RBFOX1: variants seen among roughly 807,000 people sequenced by gnomAD.
RBFOX1 encodes RNA binding fox-1 homolog 1, also known as RNA binding protein fox-1 homolog 1.
RBFOX1 carries 8 observed loss-of-function variants against 57.7 expected under a neutral mutation model. The observed-to-expected ratio is 0.14, with a 90% CI of 0.08 to 0.25. The LOEUF is 0.25. RBFOX1 is among the 10% of genes least tolerant of loss of function. The pLI is 1.00. For synonymous variants in RBFOX1, 326 were observed against 222.4 expected (o/e 1.47, Z -4.15); for missense variants, 611 against 548.5 (o/e 1.11, Z -1.14).
intron 3 of RBFOX1, among the ~76,000 whole-genome samples, chr16:6,867,564 C>T (rs1029712056): frequency 6.6e-6 from 1 of 152,006 alleles, no homozygotes; most frequent in Admixed American, 6.6e-5. Flanking sequence ...ACTAAAAATA[C>T]AAAAATTAGC....
chr16:6,096,835 C>T (rs1479906356), intron 1 of RBFOX1, among the ~76,000 whole-genome samples: 1 of 152,178 alleles, frequency 6.6e-6, no homozygotes, highest in Non-Finnish European at 1.5e-5. Context: ...CATTCATTGG[C>T]CAGGTCATCA....
intron 4 of RBFOX1, among the ~76,000 whole-genome samples, chr16:7,369,388 C>A (rs2097527522): frequency 6.6e-6 from 1 of 152,116 alleles, no homozygotes; most frequent in Non-Finnish European, 1.5e-5. Flanking sequence ...GTCCCGCAGA[C>A]TCTCCCTCAA....
At chr16:5,651,433 G>A (rs1169952606) in intron 3 of RBFOX1, among the ~76,000 whole-genome samples, 1 of 152,060 alleles carries the variant, frequency 6.6e-6, no homozygotes, top group East Asian at 1.9e-4. Context: ...TGTCTCTGCT[G>A]CCACCCCAGG....
At chr16:7,239,041 A>T (rs898929743) in intron 4 of RBFOX1, among the ~76,000 whole-genome samples, 1 of 152,148 alleles carries the variant, frequency 6.6e-6, no homozygotes, top group Non-Finnish European at 1.5e-5. Context: ...CCAGTCTATC[A>T]TTGATGGGCA....
rs747961249 is a variant in RBFOX1 at position 5,651,855 on chromosome 16, C to T, written c.318+52894C>T. 7.2e-5 allele frequency among the ~76,000 whole-genome samples: 11 copies of T among 152,212 alleles called. No homozygotes were observed. The South Asian group carries it at 1.0e-3, about 14-fold the overall frequency. On this transcript the variant is annotated intron_variant, in intron 3 of 19. Transcript: ENST00000641259. Reference sequence around the variant, plus strand: ...ACTAATAATAATAATGCTTTTAGGCCGGGCACAGTGGCTCATGCCTGTAAT... The same window carrying T: ...ACTAATAATAATAATGCTTTTAGGCTGGGCACAGTGGCTCATGCCTGTAAT...
intron 3 of RBFOX1, among the ~76,000 whole-genome samples, chr16:5,683,242 G>A (rs1438584005): frequency 2.0e-5 from 3 of 152,116 alleles, no homozygotes; most frequent in Non-Finnish European, 4.4e-5. Context: ...TCGAAAAATA[G>A]TAATGTGCAG....
At chr16:5,707,906 A>C (rs1396810894) in intron 3 of RBFOX1, among the ~76,000 whole-genome samples, 1 of 152,146 alleles carries the variant, frequency 6.6e-6, no homozygotes, top group East Asian at 1.9e-4. Context: ...ACTTAATACT[A>C]TTTGTAACTT....
At chr16:6,869,472 G>GT (rs5815352) in intron 3 of RBFOX1, among the ~76,000 whole-genome samples, 2,146 of 148,258 alleles carry the variant, frequency 0.014, 25 homozygotes, top group Non-Finnish European at 0.024. Flanking sequence ...GTCTTTTGAG[G>GT]TTTTTTTTTT....
intron 1 of RBFOX1, among the ~76,000 whole-genome samples, chr16:6,120,178 G>A (rs979955399): frequency 4.6e-5 from 7 of 152,148 alleles, no homozygotes; most frequent in Admixed American, 6.6e-5. Flanking sequence ...GTATTTATCC[G>A]TTGATTAGCA....
At chr16:5,264,093 C>G (rs562734604) in intron 1 of RBFOX1, among the ~76,000 whole-genome samples, 5 of 151,862 alleles carry the variant, frequency 3.3e-5, no homozygotes, top group Admixed American at 2.0e-4. Context: ...CCAGGCTGAG[C>G]AGGAAGGTAA....
intron 4 of RBFOX1, among the ~76,000 whole-genome samples, chr16:7,232,355 C>G (rs2093549736): frequency 6.6e-6 from 1 of 152,114 alleles, no homozygotes; most frequent in African/African-American, 2.4e-5. Flanking sequence ...GCTATGTGTT[C>G]ATTTTATAAA....
chr16:7,158,758 C>T (rs1041544552), intron 4 of RBFOX1, among the ~76,000 whole-genome samples: 1 of 151,056 alleles, frequency 6.6e-6, no homozygotes, highest in Admixed American at 6.6e-5. Context: ...GTGGTGTGTG[C>T]ATGTCTGTGA....
At chr16:7,222,219 C>G (rs182044667) in intron 4 of RBFOX1, among the ~76,000 whole-genome samples, 1 of 152,158 alleles carries the variant, frequency 6.6e-6, no homozygotes, top group African/African-American at 2.4e-5. Context: ...TCACAAAGGG[C>G]CTTGCATTCT....
chr16:6,985,995 T>C (rs1022878121), intron 3 of RBFOX1, among the ~76,000 whole-genome samples: 1 of 151,630 alleles, frequency 6.6e-6, no homozygotes, highest in African/African-American at 2.4e-5. Flanking sequence ...GAGAAATTTT[T>C]TTTCATAAAA....
rs78622472 is a variant in RBFOX1, at chr16:7,170,366, G to C, written c.27+118268G>C. ...CAGCTCACTGCCGCTTGAACTCCTG[G>C]GTGCAAGTGATACTCTCACCTCAGC... is the stretch of plus-strand genomic sequence containing the variant. On this transcript the variant is annotated intron_variant, in intron 4 of 15. Transcript: ENST00000550418. 7.4e-3 allele frequency among the ~76,000 whole-genome samples: 1,132 copies of C among 152,102 alleles called. 18 individuals carry two copies. Among genetic ancestry groups the C allele is most frequent in the African/African-American group, 0.026 (1,088 of 41,434 alleles).
At chr16:5,332,792 T>C (rs546584485) in intron 1 of RBFOX1, among the ~76,000 whole-genome samples, 119 of 152,090 alleles carry the variant, frequency 7.8e-4, no homozygotes, top group Non-Finnish European at 1.3e-3. Flanking sequence ...ATTTAACTTA[T>C]AATACACATT....
At chr16:6,144,364 C>T (rs530208022) in intron 1 of RBFOX1, among the ~76,000 whole-genome samples, 244 of 152,086 alleles carry the variant, frequency 1.6e-3, no homozygotes, top group African/African-American at 5.3e-3. Context: ...TCTTTTAATG[C>T]AGAGATCTAA....
At position 7,135,103 on chromosome 16, in the gene RBFOX1, G is replaced by C. The variant is rs545224261; in HGVS notation, c.27+83005G>C. On this transcript the variant is annotated intron_variant, in intron 4 of 15. Coordinates refer to ENST00000550418, the MANE Select transcript of RBFOX1 (RefSeq NM_018723.4). ...ATTTGGTAAAACTGACTTATCCTGA[G>C]GCTGTTTTTATGTCTGTTCTGTATG... is the stretch of plus-strand genomic sequence containing the variant. Among the ~76,000 whole-genome samples, 9 of 152,172 alleles carry C rather than the reference G, an allele frequency of 5.9e-5. No homozygotes were observed. In the East Asian group the frequency reaches 7.7e-4, roughly 13 times the overall value.
rs142017315 is a variant in RBFOX1 at position 5,375,837 on chromosome 16, C to T, written c.220-91379C>T. 1.9e-3 allele frequency among the ~76,000 whole-genome samples: 282 copies of T among 152,264 alleles called. 2 individuals carry two copies. Among genetic ancestry groups the T allele is most frequent in the South Asian group, 0.017 (83 of 4,820 alleles). On this transcript the variant is annotated intron_variant, in intron 1 of 2. Coordinates refer to the RBFOX1 transcript ENST00000585867. ...TAAACTAACTAAAGGCTCATAAGTG[C>T]CCTTTGCGATAAGACTTTCTTTATC...
Sources: allele counts gnomAD v4.1 joint callset (sites outside exome capture counted in the v4.1 genomes callset), GRCh38; gene constraint gnomAD v4.1.1; transcripts MANE v1.5; gene names NCBI Gene and HGNC (gene_info 2026-07-23, HGNC 2026-07-21).